The following CDKL1 variants were observed in gnomAD, a reference collection of about 807,000 sequenced individuals.
CDKL1 encodes the protein cyclin dependent kinase like 1, also known as cyclin-dependent kinase-like 1.
CDKL1 carries 41 observed loss-of-function variants against 42.0 expected under a neutral mutation model. The ratio of observed to expected loss-of-function variants is 0.98; its 90% confidence interval spans 0.76 to 1.27. The LOEUF is 1.27. Ranked by LOEUF, CDKL1 falls within the 50% of genes most tolerant of loss-of-function variation. The pLI is 0.00. For missense variants in CDKL1, 394 were observed against 428.4 expected, an observed-to-expected ratio of 0.92 and a Z score of 0.71; for synonymous variants, 153 against 158.6, an observed-to-expected ratio of 0.96 and a Z score of 0.26.
At chr14:50,330,708 A>G (rs540634931) in intron 9 of CDKL1, 1 of 152,552 alleles carries the variant, frequency 6.6e-6, no homozygotes, top group East Asian at 1.9e-4. Context: ...CCCCATCTCT[A>G]AAGAAAAAAG....
intron 3 of CDKL1, among the ~76,000 whole-genome samples, chr14:50,346,946 G>T (rs2139415433): frequency 6.6e-6 from 1 of 152,140 alleles, no homozygotes; most frequent in South Asian, 2.1e-4. Context: ...ACCATGCCCG[G>T]CCTGCAAATT....
At chr14:50,343,137 C>T (rs931149496) in intron 4 of CDKL1, 31 of 686,606 alleles carry the variant, frequency 4.5e-5, no homozygotes, top group Non-Finnish European at 5.7e-5. Context: ...AACAAATCAA[C>T]AACCTAATTA....
In CDKL1 at chr14:50,335,437, G is replaced by T. The variant is rs536521305; in HGVS notation, c.739-816C>A. The T allele has an allele frequency of 6.6e-6, 10 of 1,516,124 alleles. No individual in the cohort carries two copies. In the East Asian group the frequency reaches 1.5e-4, roughly 22 times the overall value. The allele number at this position is 1,516,124 out of a possible 1,614,324, so 93.9% of individuals were successfully genotyped here. ...AAACACTGTTGTCTCCTCCCACTAG[G>T]GCCTGCTGCTTCCCTTCTCAGCCTG... On this transcript the variant is annotated intron_variant, in intron 7 of 9. Transcript: ENST00000395834.
intron 2 of CDKL1, among the ~76,000 whole-genome samples, chr14:50,387,226 G>T (rs1355144950): frequency 6.7e-6 from 1 of 149,322 alleles, no homozygotes; most frequent in African/African-American, 2.5e-5. Context: ...AAAAAAATGG[G>T]GGTGGGGGTG....
chr14:50,332,162 A>G (rs2032982460), intron 9 of CDKL1, 100 bp downstream of exon 9: 1 of 1,613,812 alleles, frequency 6.2e-7, no homozygotes, highest in East Asian at 2.2e-5. Flanking sequence ...CTAGTGCTGG[A>G]ATGAGGATGC....
chr14:50,374,737 A>G (rs1420265309), intron 2 of CDKL1, among the ~76,000 whole-genome samples: 1 of 152,236 alleles, frequency 6.6e-6, no homozygotes, highest in African/African-American at 2.4e-5. Context: ...GTATACACAC[A>G]TATATTACCT....
intron 6 of CDKL1, among the ~76,000 whole-genome samples, 156 bp downstream of exon 6, chr14:50,340,876 A>G (rs1166210736): frequency 1.3e-5 from 2 of 152,232 alleles, no homozygotes; most frequent in African/African-American, 2.4e-5. Flanking sequence ...AAATATGGCC[A>G]CCTTTAATGG....
intron 2 of CDKL1, among the ~76,000 whole-genome samples, chr14:50,377,935 G>A (rs1350008394): frequency 6.6e-6 from 1 of 152,156 alleles, no homozygotes; most frequent in Admixed American, 6.5e-5. Context: ...GACAGACTGT[G>A]CCAAAAAATC....
rs2032723080 is a variant in CDKL1, at chr14:50,326,821, A to C, written c.*3253T>G. The C allele has an allele frequency of 1.1e-6, 1 of 931,882 alleles. No homozygotes were observed. The highest frequency in any genetic ancestry group is 1.3e-6 in the Non-Finnish European group (1 of 781,410). 57.7% of individuals were successfully genotyped at this position (931,882 alleles called of 1,614,324 possible). On this transcript the variant is annotated 3_prime_UTR_variant, in exon 10 of 10. Coordinates refer to ENST00000395834, the MANE Select transcript of CDKL1 (RefSeq NM_004196.7). ...TTTGGGAGGCTGAGGTGGGAGGATC[A>C]CTTGAGACCAGGAGTTTGAGACCAA...
At chr14:50,382,376 G>A (rs887518979) in intron 2 of CDKL1, among the ~76,000 whole-genome samples, 12 of 152,242 alleles carry the variant, frequency 7.9e-5, no homozygotes, top group East Asian at 7.7e-4. Context: ...GCGTGAACCC[G>A]GGAGGTGGAG....
intron 3 of CDKL1, 76 bp from the exon 4 acceptor site, chr14:50,345,134 C>T (rs560684005): frequency 2.1e-5 from 28 of 1,335,240 alleles, no homozygotes; most frequent in East Asian, 4.7e-5. Flanking sequence ...AAAAAATAAA[C>T]GAAGATAGGC....
chr14:50,384,832 A>G, intron 2 of CDKL1, among the ~76,000 whole-genome samples: 1 of 151,992 alleles, frequency 6.6e-6, no homozygotes, highest in East Asian at 1.9e-4. Flanking sequence ...GCACTTTAGG[A>G]GGCCGAGGTG....
At chr14:50,335,348 G>A in intron 7 of CDKL1, 2 of 625,964 alleles carry the variant, frequency 3.2e-6, no homozygotes, top group South Asian at 2.1e-5. Flanking sequence ...TTATATAAAG[G>A]GAGCTGCAAA....
chr14:50,357,482 T>C (rs1322379624), intron 3 of CDKL1, among the ~76,000 whole-genome samples: 1 of 152,126 alleles, frequency 6.6e-6, no homozygotes, highest in African/African-American at 2.4e-5. Context: ...ACTCTTCATA[T>C]TGTCCCCAGC....
At chr14:50,334,893 A>G (rs2033168699) in intron 7 of CDKL1, 2 of 284,700 alleles carry the variant, frequency 7.0e-6, no homozygotes, top group African/African-American at 4.6e-5. Flanking sequence ...AAATAAAAAT[A>G]CTAATGAAAA....
chr14:50,377,335 T>C (rs953553199), intron 2 of CDKL1, among the ~76,000 whole-genome samples: 6 of 152,240 alleles, frequency 3.9e-5, no homozygotes, highest in Non-Finnish European at 8.8e-5. Flanking sequence ...TGCTTCAGTG[T>C]CCTCTCTTCC....
intron 4 of CDKL1, 130 bp from the exon 5 acceptor site, chr14:50,342,352 A>G: frequency 6.8e-7 from 1 of 1,460,168 alleles, no homozygotes; most frequent in Non-Finnish European, 9.1e-7. Context: ...GACAACAGCA[A>G]AAGAGCAGCC....
Position 50,329,935 on chromosome 14 carries a change from A to T in CDKL1, c.*139T>A, listed in dbSNP as rs2032844272. 1 of 1,004,032 alleles carries T rather than the reference A, an allele frequency of 1.0e-6. No homozygotes were observed. The highest frequency in any genetic ancestry group is 1.4e-6 in the Non-Finnish European group (1 of 716,456). 62.2% of individuals were successfully genotyped at this position (1,004,032 alleles called of 1,614,324 possible). ...CTGGAATTTCCCTTCATATCTTGCC[A>T]GTTGGCCTCCCAGTTTCTTGCTTAT... On this transcript the variant is annotated 3_prime_UTR_variant, in exon 10 of 10. Transcript: ENST00000395834.
At chr14:50,394,102 A>T (rs2035334102) in intron 2 of CDKL1, among the ~76,000 whole-genome samples, 1 of 152,254 alleles carries the variant, frequency 6.6e-6, no homozygotes, top group Non-Finnish European at 1.5e-5. Flanking sequence ...TGAAAGGAGC[A>T]TTCACAAAAG....
Sources: gnomAD v4.1 joint callset for allele counts (sites outside exome capture counted in the v4.1 genomes callset) on GRCh38, gnomAD v4.1.1 for gene constraint, MANE v1.5 for transcripts, NCBI Gene and HGNC (gene_info 2026-07-23, HGNC 2026-07-21) for gene names.